The following SOX6 variants were observed in gnomAD, a reference collection of about 807,000 sequenced individuals.
The protein encoded by SOX6 is SRY-box transcription factor 6.
SOX6 carries 11 observed loss-of-function variants against 97.8 expected under a neutral mutation model. That is an observed-to-expected ratio of 0.11 (90% CI 0.07 to 0.19). SOX6 has a LOEUF of 0.19. Ranked by LOEUF, SOX6 falls within the 10% of genes least tolerant of loss-of-function variation. The pLI is 1.00. For synonymous variants in SOX6, 360 were observed against 371.4 expected (o/e 0.97, Z 0.35); for missense variants, 810 against 1,039.5 (o/e 0.78, Z 3.04).
In SOX6 at chr11:16,672,953, T is replaced by G. The variant is rs148083960; in HGVS notation, n.429+41877A>C. Reference sequence around the variant, plus strand: ...AGAAGGGAATTACATAATGATAAAGTGTTCAATTCAACAAGAAGATCTAAC... The same window carrying G: ...AGAAGGGAATTACATAATGATAAAGGGTTCAATTCAACAAGAAGATCTAAC... On this transcript the variant is annotated intron_variant and non_coding_transcript_variant, in intron 3 of 5. Coordinates refer to the SOX6 transcript ENST00000524520. Among the ~76,000 whole-genome samples the G allele has an allele frequency of 1.1e-3, 173 of 152,056 alleles. 1 individual carries two copies. The East Asian group carries it at 0.026, about 23-fold the overall frequency.
At chr11:16,114,264 AG>A (rs1590204962) in intron 6 of SOX6, among the ~76,000 whole-genome samples, 1 of 152,170 alleles carries the variant, frequency 6.6e-6, no homozygotes, top group African/African-American at 2.4e-5. Flanking sequence ...GTGCCTCTAA[AG>A]GCCTTGTTGG....
At chr11:16,016,081 C>T (rs770806059) in intron 12 of SOX6, among the ~76,000 whole-genome samples, 2 of 151,924 alleles carry the variant, frequency 1.3e-5, no homozygotes, top group Admixed American at 6.6e-5. Context: ...TGAGCATGTT[C>T]GGCATTAGAT....
chr11:16,398,373 G>A (rs1168013619), intron 1 of SOX6, among the ~76,000 whole-genome samples: 1 of 151,318 alleles, frequency 6.6e-6, no homozygotes, highest in Non-Finnish European at 1.5e-5. Context: ...ACCATTCCCT[G>A]GCCTTTTAGC....
At chr11:16,237,493 C>T (rs1024942811) in intron 3 of SOX6, among the ~76,000 whole-genome samples, 4 of 152,024 alleles carry the variant, frequency 2.6e-5, no homozygotes, top group African/African-American at 9.7e-5. Flanking sequence ...TCCTCAACTA[C>T]ATTAATGGGA....
chr11:16,148,410 T>G (rs1441280570), intron 6 of SOX6, among the ~76,000 whole-genome samples: 1 of 152,128 alleles, frequency 6.6e-6, no homozygotes, highest in Admixed American at 6.6e-5. Context: ...ATGAGTAACT[T>G]TATTGCAGGC....
intron 4 of SOX6, among the ~76,000 whole-genome samples, chr11:16,195,288 G>A (rs1851741246): frequency 6.6e-6 from 1 of 152,146 alleles, no homozygotes; most frequent in African/African-American, 2.4e-5. Context: ...GCATTTAATT[G>A]AATTTGAATT....
intron 2 of SOX6, among the ~76,000 whole-genome samples, chr11:16,322,492 C>A (rs553977872): frequency 6.6e-6 from 1 of 152,214 alleles, no homozygotes; most frequent in East Asian, 1.9e-4. Flanking sequence ...TATAAATTAC[C>A]CAGTCTCAGG....
chr11:16,208,507 T>A (rs1457023134), intron 4 of SOX6, among the ~76,000 whole-genome samples: 1 of 152,210 alleles, frequency 6.6e-6, no homozygotes, highest in Non-Finnish European at 1.5e-5. Context: ...ACTGCTTTTT[T>A]AAAAAATAGA....
Position 16,611,149 on chromosome 11 carries a change from C to T in SOX6, n.609+932G>A, listed in dbSNP as rs563148012. ...TGGCCTCGCACCTCCAGAGAAGAGGCGCGAACTCGCAAAAGGAAAGGCGCG... is the reference window on the plus strand; with the variant it reads ...TGGCCTCGCACCTCCAGAGAAGAGGTGCGAACTCGCAAAAGGAAAGGCGCG... On this transcript the variant is annotated intron_variant and non_coding_transcript_variant, in intron 4 of 5. Coordinates refer to the SOX6 transcript ENST00000524520. Among the ~76,000 whole-genome samples, 5 of 152,328 alleles carry T rather than the reference C, an allele frequency of 3.3e-5. No individual in the cohort carries two copies. The South Asian group carries it at 1.0e-3, about 32-fold the overall frequency.
intron 12 of SOX6, 68 bp downstream of exon 12, chr11:16,046,446 T>G (rs1855833216): frequency 6.4e-7 from 1 of 1,569,870 alleles, no homozygotes; most frequent in South Asian, 1.1e-5. Flanking sequence ...CCTGGGAGCC[T>G]GGAAAGAACC....
intron 6 of SOX6, among the ~76,000 whole-genome samples, chr11:16,176,192 C>T (rs979827900): frequency 6.6e-6 from 1 of 151,778 alleles, no homozygotes; most frequent in East Asian, 1.9e-4. Context: ...ATCTTCATTA[C>T]CCTGTATAGA....
chr11:16,217,766 G>A (rs1357719113), intron 4 of SOX6, among the ~76,000 whole-genome samples: 3 of 152,190 alleles, frequency 2.0e-5, no homozygotes, highest in South Asian at 2.1e-4. Context: ...CCTAATTCTT[G>A]TGGCTTGAAC....
chr11:16,625,476 A>G (rs1848611397), intron 3 of SOX6, among the ~76,000 whole-genome samples: 1 of 152,154 alleles, frequency 6.6e-6, no homozygotes, highest in Admixed American at 6.6e-5. Context: ...CTTCATCTTT[A>G]ACCTTGGTTC....
intron 4 of SOX6, among the ~76,000 whole-genome samples, chr11:16,523,861 G>A (rs952669113): frequency 1.8e-4 from 27 of 152,248 alleles, no homozygotes; most frequent in East Asian, 5.8e-4. Context: ...ACACCTCTAC[G>A]CAAACAAACT....
At chr11:16,500,822 A>C (rs1042499130) in intron 4 of SOX6, among the ~76,000 whole-genome samples, 19 of 152,314 alleles carry the variant, frequency 1.2e-4, no homozygotes, top group African/African-American at 4.3e-4. Context: ...ATACAAACAA[A>C]TGGAAGAACA....
chr11:16,153,039 G>A (rs964791020), intron 6 of SOX6, among the ~76,000 whole-genome samples: 11 of 152,036 alleles, frequency 7.2e-5, no homozygotes, highest in Non-Finnish European at 1.5e-4. Context: ...GCTAATTTTT[G>A]AATTTTTAGT....
rs184767837 is a variant in SOX6 at position 16,326,514 on chromosome 11, T to A, written c.238-7861A>T. Among the ~76,000 whole-genome samples, 587 of 150,002 alleles carry A rather than the reference T, an allele frequency of 3.9e-3. 1 individual carries two copies. Among genetic ancestry groups the A allele is most frequent in the South Asian group, 0.022 (102 of 4,724 alleles). On this transcript the variant is annotated intron_variant, in intron 2 of 15. Coordinates refer to ENST00000683767, the MANE Select transcript of SOX6 (RefSeq NM_001367873.1). The stretch of plus-strand genomic sequence containing the variant: ...TAATCCATAGGGCTACAGTTTTTTT[T>A]AAAAAAAAAAGTCACTCTCAACAGT...
intron 2 of SOX6, among the ~76,000 whole-genome samples, chr11:16,719,680 T>G (rs1239676730): frequency 6.6e-6 from 1 of 152,142 alleles, no homozygotes; most frequent in Non-Finnish European, 1.5e-5. Flanking sequence ...TGCCAACATT[T>G]TGGGAGGCCA....
chr11:16,331,015 G>A (rs1482302209), intron 2 of SOX6, among the ~76,000 whole-genome samples: 1 of 152,186 alleles, frequency 6.6e-6, no homozygotes. Flanking sequence ...AGTTGGAGAT[G>A]TTGGACAAAT....
Sources: gnomAD v4.1 joint callset for allele counts (sites outside exome capture counted in the v4.1 genomes callset) on GRCh38, gnomAD v4.1.1 for gene constraint, MANE v1.5 for transcripts, NCBI Gene and HGNC (gene_info 2026-07-23, HGNC 2026-07-21) for gene names.